SH3PXD2B: variants seen among roughly 807,000 people sequenced by gnomAD.
SH3PXD2B encodes the protein SH3 and PX domain-containing protein 2B.
Under a neutral mutation model 73.1 loss-of-function variants are expected in SH3PXD2B, and 37 were observed. The ratio of observed to expected loss-of-function variants is 0.51; its 90% CI spans 0.39 to 0.67. The LOEUF is 0.67. Among genes scored for constraint, SH3PXD2B ranks in the 30% least tolerant of loss-of-function variants. The pLI, the probability that SH3PXD2B is intolerant of heterozygous loss-of-function variation, is 0.00. For synonymous variants in SH3PXD2B, 457 were observed against 480.5 expected (o/e 0.95, Z 0.64); for missense variants, 1,053 against 1,197.8 (o/e 0.88, Z 1.78).
In SH3PXD2B at chr5:172,354,684, G is replaced by A. The variant is rs1009637556; in HGVS notation, c.668-679C>T. On this transcript the variant is annotated intron_variant, in intron 8 of 12. Coordinates refer to ENST00000311601, the MANE Select transcript of SH3PXD2B (RefSeq NM_001017995.3). ...GGTTTCAGGCTGAAATCACTACTGC[G>A]GACACGGTGCACAATTTTCATTACC... 1.3e-5 allele frequency among the ~76,000 whole-genome samples: 2 copies of A among 152,142 alleles called. 1 individual carries two copies. Among genetic ancestry groups the A allele is most frequent in the South Asian group, 4.1e-4 (2 of 4,828 alleles).
rs1464906718 is a variant in SH3PXD2B at position 172,394,604 on chromosome 5, C to T, written c.268G>A (p.Val90Met). ...ATTGGTATCAGGCGTTTGACAGCCA[C>T]GTCCCGGATGTGGCTTCGTCTGAAG... is the stretch of plus-strand genomic sequence containing the variant. ...ILFRRSHIRDVAVKRLIPIDE... is the reference protein window; with the variant it reads ...ILFRRSHIRDMAVKRLIPIDE... The change falls in exon 4 of 13, where the codon GTG becomes ATG. Residue 90 changes from valine to methionine, a missense_variant. Val to Met is a conservative substitution (Grantham distance 21). Around this residue, in one of 2 missense-constraint regions of SH3PXD2B, gnomAD observed 466 missense variants for 607.1 expected, o/e 0.77. Transcript: ENST00000311601. 5.0e-6 allele frequency: 8 copies of T among 1,614,136 alleles called. No homozygotes were observed. The highest frequency in any genetic ancestry group is 2.2e-5 in the East Asian group (1 of 44,884).
intron 9 of SH3PXD2B, among the ~76,000 whole-genome samples, chr5:172,352,031 A>G (rs1757167913): frequency 6.6e-6 from 1 of 152,136 alleles, no homozygotes; most frequent in African/African-American, 2.4e-5. Context: ...CCTGACTGTC[A>G]CTTTCTAGCA....
chr5:172,397,945 G>A lies in SH3PXD2B; in HGVS notation c.233-3306C>T, dbSNP rs536714868. On this transcript the variant is annotated intron_variant, in intron 3 of 12. Coordinates refer to ENST00000311601, the MANE Select transcript of SH3PXD2B (RefSeq NM_001017995.3). ...TAGGTTATCCTTTTTAGTGGCGGCC[G>A]CTGCCACGCCTCCTGATCCTATCCC... 7.9e-5 allele frequency among the ~76,000 whole-genome samples: 12 copies of A among 152,342 alleles called. No individual in the cohort carries two copies. The East Asian group carries it at 1.9e-3, about 24-fold the overall frequency.
chr5:172,331,231 A>C (rs1756549114), downstream of SH3PXD2B, among the ~76,000 whole-genome samples: 1 of 152,074 alleles, frequency 6.6e-6, no homozygotes, highest in South Asian at 2.1e-4. Flanking sequence ...TAATAATAAT[A>C]ATAGCACAGA....
At position 172,335,119 on chromosome 5, in the gene SH3PXD2B, T is replaced by G; in HGVS notation, c.*3250A>C. ...AACATGTGAGCAAAGGCCTCTTTTA[T>G]CAAGAGGTGGTCTTAGACTCAGGGT... On this transcript the variant is annotated 3_prime_UTR_variant, in exon 13 of 13. Coordinates refer to ENST00000311601, the MANE Select transcript of SH3PXD2B (RefSeq NM_001017995.3). 1 of 986,524 alleles carries G rather than the reference T, an allele frequency of 1.0e-6. No homozygotes were observed. Among genetic ancestry groups the G allele is most frequent in the Non-Finnish European group, 1.2e-6 (1 of 830,736 alleles). The allele number at this position is 986,524 out of a possible 1,614,324, so 61.1% of individuals were successfully genotyped here.
chr5:172,325,310 A>G, exon 13 of SH3PXD2B: 1 of 1,535,498 alleles, frequency 6.5e-7, no homozygotes, highest in Non-Finnish European at 8.7e-7. Flanking sequence ...GTGCTTCCCA[A>G]GTGCTGTCCG....
chr5:172,329,694 C>T (rs997033867), downstream of SH3PXD2B, among the ~76,000 whole-genome samples: 11 of 151,940 alleles, frequency 7.2e-5, no homozygotes, highest in Admixed American at 3.3e-4. Flanking sequence ...CCCGCCACCA[C>T]GCCCGGCTAA....
chr5:172,409,756 C>A (rs543565406), intron 2 of SH3PXD2B, among the ~76,000 whole-genome samples: 1 of 152,262 alleles, frequency 6.6e-6, no homozygotes, highest in East Asian at 1.9e-4. Context: ...GCTCTTGTTG[C>A]CCAGGCTGGA....
chr5:172,385,141 C>A (rs1040317684), intron 4 of SH3PXD2B, among the ~76,000 whole-genome samples: 21 of 152,122 alleles, frequency 1.4e-4, no homozygotes, highest in Non-Finnish European at 2.9e-5. Flanking sequence ...CTGCTGTCTG[C>A]TCCCCCCTCC....
intron 3 of SH3PXD2B, among the ~76,000 whole-genome samples, chr5:172,403,777 T>C (rs1403103039): frequency 2.0e-5 from 3 of 152,252 alleles, no homozygotes; most frequent in African/African-American, 7.2e-5. Flanking sequence ...ATATCCAGAA[T>C]GGTCATTTAA....
chr5:172,399,294 C>G (rs1322034391), intron 3 of SH3PXD2B, among the ~76,000 whole-genome samples: 1 of 152,160 alleles, frequency 6.6e-6, no homozygotes, highest in Non-Finnish European at 1.5e-5. Flanking sequence ...ACTGATGGCT[C>G]CAGAAATGTA....
chr5:172,334,761 A>G lies in SH3PXD2B; in HGVS notation c.*3608T>C. 1.0e-6 allele frequency: 1 copy of G among 985,480 alleles called. No individual in the cohort carries two copies. Among genetic ancestry groups the G allele is most frequent in the East Asian group, 1.1e-4 (1 of 8,810 alleles). The allele number at this position is 985,480 out of a possible 1,614,324, so 61.0% of individuals were successfully genotyped here. On this transcript the variant is annotated 3_prime_UTR_variant, in exon 13 of 13. Transcript: ENST00000311601. The stretch of plus-strand genomic sequence containing the variant: ...ACTTGGGAGAGGCGAAATAAATACC[A>G]GACTGTCCACTCCTCAGCCTAAGGT...
intron 4 of SH3PXD2B, among the ~76,000 whole-genome samples, chr5:172,390,906 A>C (rs571309408): frequency 6.7e-6 from 1 of 148,866 alleles, no homozygotes; most frequent in South Asian, 2.1e-4. Flanking sequence ...CAATGACACG[A>C]TCTCGGCTCA....
chr5:172,394,031 C>T (rs1365617017), intron 4 of SH3PXD2B, among the ~76,000 whole-genome samples: 1 of 152,136 alleles, frequency 6.6e-6, no homozygotes, highest in Non-Finnish European at 1.5e-5. Context: ...GCAACCTCCA[C>T]CTCCCAGGTT....
At position 172,368,484 on chromosome 5, in the gene SH3PXD2B, A is replaced by C. The variant is rs867899388; in HGVS notation, c.427+5306T>G. Among the ~76,000 whole-genome samples the C allele has an allele frequency of 1.5e-4, 3 of 19,708 alleles. 1 individual carries two copies. The highest frequency in any genetic ancestry group is 8.0e-4 in the African/African-American group (3 of 3,762). 12.9% of individuals were successfully genotyped at this position (19,708 alleles called of 152,430 possible). On this transcript the variant is annotated intron_variant, in intron 6 of 12. Transcript: ENST00000311601. ...ATATATATATTATATATATATATAAAATATATATATATTATATATATATAT... is the reference window on the plus strand; with the variant it reads ...ATATATATATTATATATATATATAACATATATATATATTATATATATATAT...
chr5:172,326,862 T>TC (rs1427208715), intron 12 of SH3PXD2B, among the ~76,000 whole-genome samples: 1 of 150,184 alleles, frequency 6.7e-6, no homozygotes, highest in East Asian at 1.9e-4. Context: ...TCAAGATTTT[T>TC]TTTTTTTTTT....
intron 9 of SH3PXD2B, among the ~76,000 whole-genome samples, chr5:172,350,901 C>T (rs913317238): frequency 5.3e-5 from 8 of 152,188 alleles, no homozygotes; most frequent in African/African-American, 1.9e-4. Flanking sequence ...CCCAGCAGCC[C>T]CAGCTCTGGG....
chr5:172,347,293 T>A lies in SH3PXD2B; in HGVS notation c.1052A>T (p.Asp351Val). Residue 351 changes from aspartate (D) to valine (V), a missense_variant, in exon 11 of 13, where the codon GAC becomes GTC. Physicochemically the swap from Asp to Val is radical, Grantham distance 152. Coordinates refer to ENST00000311601, the MANE Select transcript of SH3PXD2B (RefSeq NM_001017995.3). ...CGAGGATCCACTTACAATGGTCATG[T>A]CCCGGCGAGGAGGGGGTCTCTGCCT... is the stretch of plus-strand genomic sequence containing the variant. ...KMRQRPPPRRDMTIPRGLNLP... is the reference protein window; with the variant it reads ...KMRQRPPPRRVMTIPRGLNLP... The A allele has an allele frequency of 6.2e-7, 1 of 1,614,118 alleles. No homozygotes were observed. Among genetic ancestry groups the A allele is most frequent in the Non-Finnish European group, 8.5e-7 (1 of 1,180,002 alleles).
At chr5:172,415,930 A>C (rs78753744) in intron 2 of SH3PXD2B, among the ~76,000 whole-genome samples, 4,380 of 152,340 alleles carry the variant, frequency 0.029, 210 homozygotes, top group African/African-American at 0.1. Context: ...CCTCAGGTGA[A>C]TGAGACGTGT....
Sources: allele counts gnomAD v4.1 joint callset (sites outside exome capture counted in the v4.1 genomes callset), GRCh38; gene constraint gnomAD v4.1.1; regional missense constraint gnomAD v4.1.1; transcripts MANE v1.5; gene names NCBI Gene and HGNC (gene_info 2026-07-23, HGNC 2026-07-21).